RNF169: variants seen among roughly 807,000 people sequenced by gnomAD.
RNF169 encodes ring finger protein 169, also known as E3 ubiquitin-protein ligase RNF169.
A neutral mutation model predicts 53.9 loss-of-function variants in RNF169; 24 were observed. The ratio of observed to expected loss-of-function variants is 0.45; its 90% CI spans 0.32 to 0.63. The LOEUF (loss-of-function observed/expected upper bound fraction) is 0.63, where lower values mean the gene tolerates loss of function less well. RNF169 is among the 20% of genes least tolerant of loss of function. RNF169 has a pLI of 0.04. For missense variants in RNF169, 883 were observed against 906.2 expected, an observed-to-expected ratio of 0.97 and a Z score of 0.33; for synonymous variants, 396 against 363.5, an observed-to-expected ratio of 1.09 and a Z score of -1.02.
intron 4 of RNF169, among the ~76,000 whole-genome samples, chr11:74,827,395 T>C (rs1261748724): frequency 1.3e-5 from 2 of 152,260 alleles, no homozygotes; most frequent in Admixed American, 1.3e-4. Flanking sequence ...GAGGGCTTGC[T>C]GTGAAGACTT....
chr11:74,802,820 T>C (rs1260516276), intron 2 of RNF169, among the ~76,000 whole-genome samples: 1 of 150,898 alleles, frequency 6.6e-6, no homozygotes, highest in Non-Finnish European at 1.5e-5. Flanking sequence ...GGAACTCAAG[T>C]AGGGGAGTGG....
chr11:74,787,277 C>A lies in RNF169; in HGVS notation c.503-2349C>A, dbSNP rs2135077757. ...AATTGATACACCGGGAAGAGTATTG[C>A]TAGTCATGTAACATAAAGCTAATTT... On this transcript the variant is annotated intron_variant, in intron 1 of 5. Transcript: ENST00000299563. Among the ~76,000 whole-genome samples the A allele has an allele frequency of 1.3e-5, 2 of 152,082 alleles. 1 individual carries two copies. The highest frequency in any genetic ancestry group is 4.1e-4 in the South Asian group (2 of 4,820).
chr11:74,789,640 G>A lies in RNF169; in HGVS notation c.517G>A (p.Ala173Thr), dbSNP rs1298985819. 1 of 1,608,748 alleles carries A rather than the reference G, an allele frequency of 6.2e-7. No homozygotes were observed. The highest frequency in any genetic ancestry group is 8.5e-7 in the Non-Finnish European group (1 of 1,175,888). Residue 173 changes from alanine to threonine, a missense_variant, in exon 2 of 6, where the codon GCA becomes ACA. Transcript: ENST00000299563. Reference protein sequence around the residue: ...APAEPDFIFRAPIKLSKPGEL... With the variant: ...APAEPDFIFRTPIKLSKPGEL... Reference sequence around the variant, plus strand: ...CTTTCTTTCAGACTTTATATTCAGAGCACCAATCAAATTAAGCAAGCCTGG... The same window carrying A: ...CTTTCTTTCAGACTTTATATTCAGAACACCAATCAAATTAAGCAAGCCTGG...
At chr11:74,758,192 G>T (rs1240275546) in intron 1 of RNF169, among the ~76,000 whole-genome samples, 1 of 98,122 alleles carries the variant, frequency 1.0e-5, no homozygotes, top group Non-Finnish European at 1.9e-5. Flanking sequence ...GTAAGGAAGG[G>T]ATCCAGTTTC....
At chr11:74,759,892 T>A (rs1167478779) in intron 1 of RNF169, among the ~76,000 whole-genome samples, 1 of 151,860 alleles carries the variant, frequency 6.6e-6, no homozygotes, top group African/African-American at 2.4e-5. Flanking sequence ...ATGGTACCAG[T>A]TCCTCTTTGT....
At chr11:74,801,366 C>T (rs1269924369) in intron 2 of RNF169, among the ~76,000 whole-genome samples, 1 of 151,984 alleles carries the variant, frequency 6.6e-6, no homozygotes. Flanking sequence ...CCAGTCAGAC[C>T]CTATAGAAGC....
rs1384885353 is a variant in RNF169, at chr11:74,840,074, TACAAACTG to T, written c.*3345_*3352del. 6.6e-6 allele frequency: 1 copy of T among 152,250 alleles called. No individual in the cohort carries two copies. Among genetic ancestry groups the T allele is most frequent in the African/African-American group, 2.4e-5 (1 of 41,460 alleles). The allele number at this position is 152,250 out of a possible 1,614,324, so 9.4% of individuals were successfully genotyped here. A position where few individuals can be genotyped will look rare whatever the true frequency, so the allele number is the denominator to read the frequency against. ...AGCTCTTAATTGATTACTGTCTGGT[TACAAACTG>T]GCAAACTGACTAAAATGGGAAGCTG... On this transcript the variant is annotated 3_prime_UTR_variant, in exon 6 of 6. Transcript: ENST00000299563.
In RNF169 at chr11:74,749,021, G is replaced by T. The variant is rs1284553856; in HGVS notation, c.141G>T (p.Leu47=). 4 of 1,487,032 alleles carry T rather than the reference G, an allele frequency of 2.7e-6. No homozygotes were observed. In the African/African-American group the frequency reaches 5.8e-5, roughly 22 times the overall value. 92.1% of individuals were successfully genotyped at this position (1,487,032 alleles called of 1,614,324 possible). Reference sequence around the variant, plus strand: ...CAGGCCCGGCTTCTGGACCTTCGCTGTTGGTGTTGTCGCCGCCGTTGCTGC... The same window carrying T: ...CAGGCCCGGCTTCTGGACCTTCGCTTTTGGTGTTGTCGCCGCCGTTGCTGC... ...GAPGPASGPS[L]LVLSPPLLQP... is the part of the protein sequence containing the mutation. The change falls in exon 1 of 6, where the codon CTG becomes CTT. Residue 47 remains leucine (L), a synonymous_variant. Transcript: ENST00000299563.
At chr11:74,790,569 G>A (rs1277136216) in intron 2 of RNF169, among the ~76,000 whole-genome samples, 2 of 152,210 alleles carry the variant, frequency 1.3e-5, no homozygotes, top group South Asian at 2.1e-4. Context: ...ATCCTGGCAG[G>A]CTGTGCTCAG....
In RNF169 at chr11:74,771,007, G is replaced by T. The variant is rs190661820; in HGVS notation, c.503-18619G>T. Among the ~76,000 whole-genome samples the T allele has an allele frequency of 2.0e-4, 31 of 151,912 alleles. 1 individual carries two copies. In the East Asian group the frequency reaches 4.3e-3, roughly 21 times the overall value. On this transcript the variant is annotated intron_variant, in intron 1 of 5. Transcript: ENST00000299563. The stretch of plus-strand genomic sequence containing the variant: ...TTTTTAGTAGAGACAGGGTTTCACC[G>T]TGTTGGCCAGGCTGGTCCCGAACTC...
intron 2 of RNF169, among the ~76,000 whole-genome samples, chr11:74,794,327 A>G (rs946817135): frequency 3.3e-5 from 5 of 152,216 alleles, no homozygotes; most frequent in African/African-American, 1.2e-4. Context: ...AGGTGTATAC[A>G]AGGAAGTTGT....
intron 1 of RNF169, among the ~76,000 whole-genome samples, chr11:74,752,009 G>C (rs573406268): frequency 6.6e-6 from 1 of 151,944 alleles, no homozygotes; most frequent in African/African-American, 2.4e-5. Flanking sequence ...CGAGGTGGGC[G>C]GATCACAAGG....
At chr11:74,786,720 CAT>C (rs1259268222) in intron 1 of RNF169, among the ~76,000 whole-genome samples, 4 of 152,190 alleles carry the variant, frequency 2.6e-5, no homozygotes, top group Admixed American at 1.3e-4. Context: ...TGTTTTTACT[CAT>C]ATTGCACTCA....
chr11:74,776,098 T>G (rs1565174259), intron 1 of RNF169, among the ~76,000 whole-genome samples: 1 of 152,166 alleles, frequency 6.6e-6, no homozygotes, highest in Non-Finnish European at 1.5e-5. Context: ...AAATTCTTAT[T>G]AATGATGCCA....
At chr11:74,777,788 T>C (rs1318522476) in intron 1 of RNF169, among the ~76,000 whole-genome samples, 5 of 152,004 alleles carry the variant, frequency 3.3e-5, no homozygotes, top group African/African-American at 1.2e-4. Flanking sequence ...ACCACCATGC[T>C]TGGCCAATTT....
At chr11:74,810,570 A>G (rs894155635) in intron 3 of RNF169, among the ~76,000 whole-genome samples, 5 of 152,226 alleles carry the variant, frequency 3.3e-5, no homozygotes, top group African/African-American at 1.2e-4. Flanking sequence ...GAGTGAGAGG[A>G]AAAACCTAGT....
chr11:74,781,312 C>T (rs555897133), intron 1 of RNF169, among the ~76,000 whole-genome samples: 1 of 152,180 alleles, frequency 6.6e-6, no homozygotes, highest in African/African-American at 2.4e-5. Context: ...GATGGTGGAT[C>T]CTCTGTAGGA....
chr11:74,769,288 CAG>C (rs2035223710), intron 1 of RNF169, among the ~76,000 whole-genome samples: 1 of 152,126 alleles, frequency 6.6e-6, no homozygotes, highest in African/African-American at 2.4e-5. Flanking sequence ...CATTAGCAAT[CAG>C]GGAAATGCAA....
In RNF169 at chr11:74,836,186, C is replaced by T. The variant is rs1036118082; in HGVS notation, c.1583C>T (p.Thr528Ile). ...NKSSTEIPLE[T>I]CCSSELKGGG... Reference sequence around the variant, plus strand: ...AGTAGCACTGAGATCCCACTGGAAACCTGCTGTTCCTCAGAACTCAAAGGG... The same window carrying T: ...AGTAGCACTGAGATCCCACTGGAAATCTGCTGTTCCTCAGAACTCAAAGGG... Residue 528 changes from threonine (T) to isoleucine (I), a missense_variant, in exon 6 of 6, where the codon ACC becomes ATC. Physicochemically the swap from Thr to Ile is moderately conservative, Grantham distance 89. Around this residue, in one of 3 missense-constraint regions of RNF169, gnomAD observed 351 missense variants for 337.3 expected, o/e 1.04. Transcript: ENST00000299563. The T allele has an allele frequency of 1.2e-6, 2 of 1,614,170 alleles. No individual in the cohort carries two copies. The highest frequency in any genetic ancestry group is 1.7e-6 in the Non-Finnish European group (2 of 1,180,030).
Sources: gnomAD v4.1 joint callset for allele counts (sites outside exome capture counted in the v4.1 genomes callset) on GRCh38, gnomAD v4.1.1 for gene constraint, gnomAD v4.1.1 regional missense constraint, MANE v1.5 for transcripts, NCBI Gene and HGNC (gene_info 2026-07-23, HGNC 2026-07-21) for gene names.